NRXN1: variants seen among roughly 807,000 people sequenced by gnomAD.
NRXN1 encodes the protein neurexin 1.
In NRXN1, 39 loss-of-function variants were observed where a neutral mutation model predicts 150.9. The observed-to-expected ratio is 0.26, with a 90% CI of 0.20 to 0.34. The LOEUF is 0.34. NRXN1 is among the 10% of genes least tolerant of loss of function. The pLI, the probability that NRXN1 is intolerant of heterozygous loss-of-function variation, is 1.00. For synonymous variants in NRXN1, 924 were observed against 757.0 expected (o/e 1.22, Z -3.62); for missense variants, 1,815 against 1,949.9 (o/e 0.93, Z 1.30).
Position 50,523,078 on chromosome 2 carries a change from A to G in NRXN1, c.2374+5547T>C, listed in dbSNP as rs538778526. On this transcript the variant is annotated intron_variant, in intron 12 of 22. Coordinates refer to ENST00000401669, the MANE Select transcript of NRXN1 (RefSeq NM_001330078.2). ...TAAAGACTCATTGCCATGTGCCAAT[A>G]CACTGCCTGTTTTTATTTGTTTTCT... 8.2e-4 allele frequency among the ~76,000 whole-genome samples: 125 copies of G among 152,204 alleles called. 3 individuals are homozygous for G. The South Asian group carries it at 0.025, about 30-fold the overall frequency.
At chr2:50,332,103 C>T (rs773688786) in intron 17 of NRXN1, among the ~76,000 whole-genome samples, 2 of 151,794 alleles carry the variant, frequency 1.3e-5, no homozygotes, top group South Asian at 2.1e-4. Context: ...TAAAAGCTAT[C>T]GAGGTACTAA....
chr2:49,977,287 C>T (rs1372053247), intron 21 of NRXN1, among the ~76,000 whole-genome samples: 2 of 152,004 alleles, frequency 1.3e-5, no homozygotes, highest in Non-Finnish European at 2.9e-5. Flanking sequence ...TCCCACCCCC[C>T]AGGGAACATT....
At chr2:50,781,280 T>C (rs560653015) in intron 5 of NRXN1, among the ~76,000 whole-genome samples, 2 of 152,230 alleles carry the variant, frequency 1.3e-5, no homozygotes, top group South Asian at 4.1e-4. Flanking sequence ...ATTATATTTA[T>C]TATACTGAAG....
intron 5 of NRXN1, among the ~76,000 whole-genome samples, chr2:50,841,519 C>T (rs566125085): frequency 1.4e-4 from 22 of 152,322 alleles, no homozygotes; most frequent in African/African-American, 5.3e-4. Flanking sequence ...CATTTTGCCA[C>T]TGCTAAAATC....
chr2:50,733,456 A>G (rs1698347504), intron 5 of NRXN1, among the ~76,000 whole-genome samples: 1 of 152,168 alleles, frequency 6.6e-6, no homozygotes, highest in African/African-American at 2.4e-5. Flanking sequence ...TTGGGATGGC[A>G]AATAAGCATT....
chr2:49,968,405 A>G (rs549075287), intron 21 of NRXN1, among the ~76,000 whole-genome samples: 3 of 152,240 alleles, frequency 2.0e-5, no homozygotes, highest in Non-Finnish European at 2.9e-5. Flanking sequence ...CATTACTTTT[A>G]TATTTCATAA....
chr2:49,949,957 C>T (rs992085522), intron 21 of NRXN1, among the ~76,000 whole-genome samples: 1 of 151,418 alleles, frequency 6.6e-6, no homozygotes, highest in Non-Finnish European at 1.5e-5. Context: ...ATAGTTTCTC[C>T]AGAAAATATT....
At chr2:50,341,924 A>G (rs1339301137) in intron 17 of NRXN1, among the ~76,000 whole-genome samples, 1 of 152,182 alleles carries the variant, frequency 6.6e-6, no homozygotes, top group Non-Finnish European at 1.5e-5. Context: ...TATGCTTGGA[A>G]ACTATGTATT....
At chr2:50,837,293 A>T (rs1284016174) in intron 5 of NRXN1, among the ~76,000 whole-genome samples, 1 of 152,150 alleles carries the variant, frequency 6.6e-6, no homozygotes, top group Admixed American at 6.6e-5. Flanking sequence ...CCTTTAAAAT[A>T]CAAGTGATAT....
chr2:50,496,028 G>A lies in NRXN1; in HGVS notation c.2947C>T (p.Leu983Phe). ...NLIKGSSNKP[L>F]NDNQWHNVMI... ...ACGTTGTGCCACTGATTGTCATTGA[G>A]AGGTTTATTTGAGCTTCCTTTGATG... Residue 983 changes from leucine to phenylalanine, a missense_variant, in exon 15 of 23, where the codon CTC (leucine) becomes TTC (phenylalanine). Coordinates refer to ENST00000401669, the MANE Select transcript of NRXN1 (RefSeq NM_001330078.2). 1 of 1,613,394 alleles carries A rather than the reference G, an allele frequency of 6.2e-7. No individual in the cohort carries two copies. Among genetic ancestry groups the A allele is most frequent in the Non-Finnish European group, 8.5e-7 (1 of 1,179,610 alleles).
intron 15 of NRXN1, among the ~76,000 whole-genome samples, chr2:50,473,710 C>T (rs1052488234): frequency 2.0e-5 from 3 of 152,008 alleles, no homozygotes; most frequent in Non-Finnish European, 4.4e-5. Flanking sequence ...TCTGTGTTGT[C>T]TTCACGAGAC....
At chr2:50,520,683 C>T (rs1256040999) in intron 12 of NRXN1, among the ~76,000 whole-genome samples, 1 of 151,668 alleles carries the variant, frequency 6.6e-6, no homozygotes, top group African/African-American at 2.4e-5. Flanking sequence ...TCTTGATTAC[C>T]AATATATTAT....
intron 5 of NRXN1, among the ~76,000 whole-genome samples, chr2:50,778,315 A>G (rs1703913989): frequency 6.6e-6 from 1 of 152,220 alleles, no homozygotes; most frequent in South Asian, 2.1e-4. Context: ...CAACCAGGAA[A>G]TACTTTATTC....
Position 51,016,029 on chromosome 2 carries a change from A to G in NRXN1, c.772+11473T>C, listed in dbSNP as rs565784959. 2.5e-4 allele frequency among the ~76,000 whole-genome samples: 38 copies of G among 152,246 alleles called. 1 individual carries two copies. In the South Asian group the frequency reaches 7.7e-3, roughly 31 times the overall value. On this transcript the variant is annotated intron_variant, in intron 2 of 22. Transcript: ENST00000401669. ...GGTACTGGTACCAAAACAGATATAT[A>G]GACCAATGGAACAGAACAGAGACCT...
intron 18 of NRXN1, among the ~76,000 whole-genome samples, chr2:50,168,714 C>T (rs759469384): frequency 7.9e-5 from 12 of 152,144 alleles, no homozygotes; most frequent in Non-Finnish European, 1.6e-4. Flanking sequence ...TATAAAAGCC[C>T]TCTGGACCAG....
chr2:51,030,237 C>A (rs940411016), intron 1 of NRXN1, among the ~76,000 whole-genome samples: 4 of 152,122 alleles, frequency 2.6e-5, no homozygotes, highest in African/African-American at 9.7e-5. Flanking sequence ...TTCCCCACCT[C>A]TTGCAAACAC....
At chr2:50,122,047 T>G (rs1703933404) in intron 18 of NRXN1, among the ~76,000 whole-genome samples, 2 of 152,212 alleles carry the variant, frequency 1.3e-5, no homozygotes, top group Non-Finnish European at 2.9e-5. Context: ...AAAGTCTGTT[T>G]GGTGATAACA....
At chr2:50,211,845 AC>A (rs2063039413) in intron 18 of NRXN1, among the ~76,000 whole-genome samples, 1 of 127,660 alleles carries the variant, frequency 7.8e-6, no homozygotes, top group Non-Finnish European at 1.8e-5. Context: ...CAAGAAGAAG[AC>A]AGGGTAAAAA....
intron 2 of NRXN1, among the ~76,000 whole-genome samples, chr2:50,972,826 G>A (rs894248681): frequency 6.6e-6 from 1 of 152,112 alleles, no homozygotes; most frequent in Non-Finnish European, 1.5e-5. Context: ...AATGGGGAGC[G>A]GCTGTAAATA....
Sources: allele counts gnomAD v4.1 joint callset (sites outside exome capture counted in the v4.1 genomes callset), GRCh38; gene constraint gnomAD v4.1.1; transcripts MANE v1.5; gene names NCBI Gene and HGNC (gene_info 2026-07-23, HGNC 2026-07-21).